The following ADGRB3 variants were observed in gnomAD, a reference collection of about 807,000 sequenced individuals.
The protein encoded by ADGRB3 is brain-specific angiogenesis inhibitor 3.
Under a neutral mutation model 193.4 loss-of-function variants are expected in ADGRB3, and 37 were observed. That is an observed-to-expected ratio of 0.19 (90% CI 0.15 to 0.25). The LOEUF (loss-of-function observed/expected upper bound fraction) is 0.25, where lower values mean the gene tolerates loss of function less well. ADGRB3 is among the 10% of genes least tolerant of loss of function. ADGRB3 has a pLI of 1.00. For synonymous variants in ADGRB3, 690 were observed against 644.2 expected, an observed-to-expected ratio of 1.07 and a Z score of -1.08; for missense variants, 1,637 against 1,852.9, an observed-to-expected ratio of 0.88 and a Z score of 2.14.
intron 3 of ADGRB3, among the ~76,000 whole-genome samples, chr6:68,794,173 A>C (rs1448052970): frequency 6.6e-6 from 1 of 152,114 alleles, no homozygotes; most frequent in Non-Finnish European, 1.5e-5. Flanking sequence ...TTGCTTATGT[A>C]TATTAGCACA....
In ADGRB3 at chr6:69,288,448, T is replaced by C. The variant is rs1051773434; in HGVS notation, c.2815-36424T>C. 3.3e-5 allele frequency among the ~76,000 whole-genome samples: 5 copies of C among 152,324 alleles called. No individual in the cohort carries two copies. In the East Asian group the frequency reaches 9.6e-4, roughly 29 times the overall value. On this transcript the variant is annotated intron_variant, in intron 20 of 31. Coordinates refer to ENST00000370598, the MANE Select transcript of ADGRB3 (RefSeq NM_001704.3). ...ACATTTTCTTTTTATTGCAGCACCGTTCACGATAGCAAAGACTTGGAACCA... is the reference window on the plus strand; with the variant it reads ...ACATTTTCTTTTTATTGCAGCACCGCTCACGATAGCAAAGACTTGGAACCA...
intron 20 of ADGRB3, among the ~76,000 whole-genome samples, chr6:69,312,710 G>A (rs1281492955): frequency 1.3e-5 from 2 of 151,518 alleles, no homozygotes; most frequent in Non-Finnish European, 3.0e-5. Context: ...ACATTTTATT[G>A]TTCAAAAGTT....
intron 3 of ADGRB3, among the ~76,000 whole-genome samples, chr6:68,679,389 A>G (rs994768568): frequency 5.5e-4 from 83 of 152,224 alleles, no homozygotes; most frequent in African/African-American, 2.0e-3. Flanking sequence ...ATTCAAGTAG[A>G]GAAAGGGGAA....
intron 17 of ADGRB3, among the ~76,000 whole-genome samples, chr6:69,101,725 C>T (rs1335162633): frequency 6.6e-6 from 1 of 151,702 alleles, no homozygotes. Flanking sequence ...GTGTGTATGA[C>T]ATGTAATCTC....
chr6:68,761,082 G>A (rs1766386634), intron 3 of ADGRB3, among the ~76,000 whole-genome samples: 1 of 152,124 alleles, frequency 6.6e-6, no homozygotes, highest in Non-Finnish European at 1.5e-5. Context: ...TCCAGCGGAT[G>A]TTCTCACTCC....
chr6:68,877,496 A>C (rs1765626044), intron 3 of ADGRB3, among the ~76,000 whole-genome samples: 1 of 152,128 alleles, frequency 6.6e-6, no homozygotes, highest in Non-Finnish European at 1.5e-5. Context: ...GTTTATAAAA[A>C]GTCCATCATT....
intron 13 of ADGRB3, among the ~76,000 whole-genome samples, chr6:69,036,802 G>T (rs1303682093): frequency 6.6e-6 from 1 of 152,182 alleles, no homozygotes; most frequent in Non-Finnish European, 1.5e-5. Flanking sequence ...TGACCGCAGA[G>T]ACGTACAGAG....
chr6:68,643,119 G>T lies in ADGRB3; in HGVS notation c.757+3687G>T, dbSNP rs570421665. On this transcript the variant is annotated intron_variant, in intron 3 of 31. Transcript: ENST00000370598. ...TTTGTTTCTTACTGACATCAATGGTGCTACTTATGTGAAAGGAAATTGGGA... is the reference window on the plus strand; with the variant it reads ...TTTGTTTCTTACTGACATCAATGGTTCTACTTATGTGAAAGGAAATTGGGA... 8.5e-5 allele frequency among the ~76,000 whole-genome samples: 13 copies of T among 152,248 alleles called. No individual in the cohort carries two copies. The South Asian group carries it at 1.0e-3, about 12-fold the overall frequency.
At chr6:68,675,992 A>T (rs1769077103) in intron 3 of ADGRB3, among the ~76,000 whole-genome samples, 1 of 152,124 alleles carries the variant, frequency 6.6e-6, no homozygotes, top group African/African-American at 2.4e-5. Flanking sequence ...TTTGTCTTTC[A>T]CTTACAATAC....
intron 26 of ADGRB3, among the ~76,000 whole-genome samples, chr6:69,345,350 C>T (rs943789082): frequency 6.6e-6 from 1 of 152,086 alleles, no homozygotes; most frequent in African/African-American, 2.4e-5. Flanking sequence ...TAAACATCCT[C>T]AATAAACTAC....
intron 17 of ADGRB3, among the ~76,000 whole-genome samples, chr6:69,114,186 G>A (rs1379709634): frequency 6.6e-6 from 1 of 151,768 alleles, no homozygotes; most frequent in Non-Finnish European, 1.5e-5. Context: ...CCTTAGGTAA[G>A]TACTATTATC....
At chr6:69,109,148 T>C (rs1253433418) in intron 17 of ADGRB3, among the ~76,000 whole-genome samples, 2 of 151,906 alleles carry the variant, frequency 1.3e-5, no homozygotes, top group African/African-American at 4.8e-5. Context: ...TCTTGGATTA[T>C]GTTATTTCTC....
At chr6:68,672,193 A>T (rs753501398) in intron 3 of ADGRB3, among the ~76,000 whole-genome samples, 27 of 151,482 alleles carry the variant, frequency 1.8e-4, no homozygotes, top group African/African-American at 2.2e-4. Flanking sequence ...AATTTGTTTA[A>T]CTTTCCAAAA....
intron 17 of ADGRB3, among the ~76,000 whole-genome samples, chr6:69,115,665 G>T (rs1021856094): frequency 3.3e-5 from 5 of 152,094 alleles, no homozygotes; most frequent in African/African-American, 1.2e-4. Flanking sequence ...AATTAAAATG[G>T]ATCATATACA....
chr6:68,793,386 G>A (rs1253315211), intron 3 of ADGRB3, among the ~76,000 whole-genome samples: 1 of 152,050 alleles, frequency 6.6e-6, no homozygotes, highest in Non-Finnish European at 1.5e-5. Flanking sequence ...GTGTGCATGT[G>A]TGTATGTGTA....
chr6:68,900,654 G>T (rs1766369085), intron 3 of ADGRB3, among the ~76,000 whole-genome samples: 1 of 152,084 alleles, frequency 6.6e-6, no homozygotes, highest in Admixed American at 6.6e-5. Flanking sequence ...AAGGATGGAG[G>T]TTACACATTG....
chr6:69,033,632 T>G (rs1019830708), intron 13 of ADGRB3, among the ~76,000 whole-genome samples: 1 of 152,154 alleles, frequency 6.6e-6, no homozygotes, highest in East Asian at 1.9e-4. Context: ...TCTTTTGTTT[T>G]GACATGTGGC....
chr6:69,100,864 A>AG (rs1562159402), intron 17 of ADGRB3, among the ~76,000 whole-genome samples: 1 of 6,068 alleles, frequency 1.6e-4, no homozygotes, highest in Non-Finnish European at 3.6e-4. Flanking sequence ...GAAGGAAGGA[A>AG]GGAAGGAAGA....
intron 17 of ADGRB3, among the ~76,000 whole-genome samples, chr6:69,199,924 TGTTA>T: frequency 6.6e-6 from 1 of 152,160 alleles, no homozygotes; most frequent in Non-Finnish European, 1.5e-5. Flanking sequence ...CTTGTTCAAA[TGTTA>T]GTTATTTGTT....
Sources: gnomAD v4.1 joint callset for allele counts (sites outside exome capture counted in the v4.1 genomes callset) on GRCh38, gnomAD v4.1.1 for gene constraint, MANE v1.5 for transcripts, NCBI Gene and HGNC (gene_info 2026-07-23, HGNC 2026-07-21) for gene names.